Variants in FZD3 observed in about 807,000 individuals in gnomAD.
FZD3 encodes the protein frizzled class receptor 3, also known as frizzled-3.
FZD3 carries 30 observed loss-of-function variants against 60.7 expected under a neutral mutation model. That is an observed-to-expected ratio of 0.49 (90% CI 0.37 to 0.67). FZD3 has a LOEUF of 0.67. Among genes scored for constraint, FZD3 ranks in the 30% least tolerant of loss-of-function variants. The pLI is 0.00. For missense variants in FZD3, 605 were observed against 838.7 expected (o/e 0.72, Z 3.44); for synonymous variants, 246 against 275.2 (o/e 0.89, Z 1.05).
intron 3 of FZD3, 41 bp from the exon 4 acceptor site, chr8:28,520,597 A>T: frequency 8.6e-7 from 1 of 1,168,654 alleles, no homozygotes; most frequent in Non-Finnish European, 1.2e-6. Flanking sequence ...TAACTTGTAT[A>T]CAGCTCTTTA....
intron 6 of FZD3, among the ~76,000 whole-genome samples, chr8:28,553,336 A>G (rs901617363): frequency 6.6e-6 from 1 of 152,216 alleles, no homozygotes; most frequent in Admixed American, 6.5e-5. Flanking sequence ...TTTGATAGCA[A>G]ACAGAACAGG....
intron 5 of FZD3, among the ~76,000 whole-genome samples, chr8:28,546,715 C>T (rs544850929): frequency 1.4e-4 from 21 of 152,142 alleles, no homozygotes; most frequent in Non-Finnish European, 2.6e-4. Context: ...GTGGCTCACG[C>T]CTGTAATCCC....
At chr8:28,510,561 C>T (rs1309247667) in intron 3 of FZD3, among the ~76,000 whole-genome samples, 3 of 152,146 alleles carry the variant, frequency 2.0e-5, no homozygotes, top group Non-Finnish European at 1.5e-5. Flanking sequence ...GAAACACCTT[C>T]ATAATTATTG....
In FZD3 at chr8:28,563,135, A is replaced by G; in HGVS notation, c.*124A>G. The G allele has an allele frequency of 1.5e-6, 1 of 686,672 alleles. No homozygotes were observed. Among genetic ancestry groups the G allele is most frequent in the Non-Finnish European group, 2.6e-6 (1 of 378,912 alleles). 42.5% of individuals were successfully genotyped at this position (686,672 alleles called of 1,614,324 possible). A position where few individuals can be genotyped will look rare whatever the true frequency, so the allele number is the denominator to read the frequency against. On this transcript the variant is annotated 3_prime_UTR_variant, in exon 8 of 8. Coordinates refer to ENST00000240093, the MANE Select transcript of FZD3 (RefSeq NM_017412.4). ...TTTCAGTCAAGTACAGATTGTGTCC[A>G]CTGGAAAGGTAAATGATTGCTTTTT...
At chr8:28,496,564 A>T (rs1352392833) in intron 1 of FZD3, among the ~76,000 whole-genome samples, 1 of 152,204 alleles carries the variant, frequency 6.6e-6, no homozygotes, top group Non-Finnish European at 1.5e-5. Flanking sequence ...TTCAGTATAG[A>T]TTGGAGGAAA....
At chr8:28,498,072 A>G (rs186468545) in intron 1 of FZD3, among the ~76,000 whole-genome samples, 4 of 152,368 alleles carry the variant, frequency 2.6e-5, no homozygotes, top group Non-Finnish European at 2.9e-5. Flanking sequence ...GCTTTAAAGT[A>G]TCTAGTCCTT....
At chr8:28,496,444 G>GT (rs1390501472) in intron 1 of FZD3, among the ~76,000 whole-genome samples, 1 of 151,742 alleles carries the variant, frequency 6.6e-6, no homozygotes, top group East Asian at 1.9e-4. Context: ...TGTTCTTTTT[G>GT]GTTTTTTTTG....
chr8:28,529,492 T>G (rs1804806643), intron 5 of FZD3, among the ~76,000 whole-genome samples: 1 of 152,212 alleles, frequency 6.6e-6, no homozygotes, highest in African/African-American at 2.4e-5. Flanking sequence ...TAGATGATAG[T>G]AATGATATTG....
At chr8:28,510,220 A>G (rs2130308342) in intron 3 of FZD3, among the ~76,000 whole-genome samples, 1 of 152,260 alleles carries the variant, frequency 6.6e-6, no homozygotes, top group East Asian at 1.9e-4. Flanking sequence ...TTGGATATAC[A>G]GTATTATTCA....
chr8:28,536,586 A>G (rs564555121), intron 5 of FZD3, among the ~76,000 whole-genome samples: 27 of 152,170 alleles, frequency 1.8e-4, no homozygotes, highest in East Asian at 1.4e-3. Context: ...GCACACGCCT[A>G]TAATCCCAGC....
chr8:28,511,150 G>C (rs1258670669), intron 3 of FZD3, among the ~76,000 whole-genome samples: 2 of 151,944 alleles, frequency 1.3e-5, no homozygotes, highest in Non-Finnish European at 2.9e-5. Context: ...TCAGGAGTTT[G>C]AGACCAGCCT....
At chr8:28,506,820 A>G (rs1804153850) in intron 3 of FZD3, among the ~76,000 whole-genome samples, 1 of 152,178 alleles carries the variant, frequency 6.6e-6, no homozygotes, top group African/African-American at 2.4e-5. Context: ...CCAGTCTCTC[A>G]GTTATCCAAA....
chr8:28,536,108 C>T (rs948873745), intron 5 of FZD3, among the ~76,000 whole-genome samples: 3 of 152,118 alleles, frequency 2.0e-5, no homozygotes, highest in Admixed American at 6.5e-5. Context: ...AGTAAAATTT[C>T]GATATTAACT....
At chr8:28,503,307 C>T in intron 3 of FZD3, 105 bp downstream of exon 3, 1 of 590,166 alleles carries the variant, frequency 1.7e-6, no homozygotes, top group South Asian at 2.8e-5. Context: ...AAATAATATG[C>T]TATTTTAAAT....
chr8:28,539,913 G>GT (rs1373929197), intron 5 of FZD3, among the ~76,000 whole-genome samples: 1 of 151,698 alleles, frequency 6.6e-6, no homozygotes, highest in Non-Finnish European at 1.5e-5. Flanking sequence ...AGCATGAGTA[G>GT]TTTTTTTTCT....
At chr8:28,518,627 C>T (rs1038222502) in intron 3 of FZD3, among the ~76,000 whole-genome samples, 1 of 152,172 alleles carries the variant, frequency 6.6e-6, no homozygotes, top group Non-Finnish European at 1.5e-5. Flanking sequence ...TTTTGAGATA[C>T]ACATAGGGAA....
Position 28,562,851 on chromosome 8 carries a change from T to C in FZD3, c.1841T>C (p.Met614Thr). 1 of 1,613,776 alleles carries C rather than the reference T, an allele frequency of 6.2e-7. No individual in the cohort carries two copies. Among genetic ancestry groups the C allele is most frequent in the South Asian group, 1.1e-5 (1 of 91,044 alleles). The stretch of plus-strand genomic sequence containing the variant: ...GAGGAGAGACTACCTCATGGCAGCA[T>C]GTCACGACTAACAGATCACTCCAGG... ...GMEERLPHGS[M>T]SRLTDHSRHS... Residue 614 changes from methionine (M) to threonine (T), a missense_variant, in exon 8 of 8, where the codon ATG (methionine) becomes ACG (threonine). Transcript: ENST00000240093.
In FZD3 at chr8:28,567,712, G is replaced by C. The variant is rs374209999; in HGVS notation, c.*4701G>C. The C allele has an allele frequency of 6.6e-6, 1 of 151,992 alleles. No individual in the cohort carries two copies. The highest frequency in any genetic ancestry group is 2.4e-5 in the African/African-American group (1 of 41,382). 9.4% of individuals were successfully genotyped at this position (151,992 alleles called of 1,614,324 possible). ...GTTCATTTGGTACAGTCTTTAAATC[G>C]GTCATCCAATTAACCTTTAAAAAGT... On this transcript the variant is annotated 3_prime_UTR_variant, in exon 8 of 8. Coordinates refer to ENST00000240093, the MANE Select transcript of FZD3 (RefSeq NM_017412.4).
intron 1 of FZD3, among the ~76,000 whole-genome samples, chr8:28,498,973 TC>T (rs1424994767): frequency 6.6e-6 from 1 of 152,228 alleles, no homozygotes; most frequent in Non-Finnish European, 1.5e-5. Context: ...ACTAAATTGA[TC>T]ATCACTGATT....
Sources: gnomAD v4.1 joint callset for allele counts (sites outside exome capture counted in the v4.1 genomes callset) on GRCh38, gnomAD v4.1.1 for gene constraint, MANE v1.5 for transcripts, NCBI Gene and HGNC (gene_info 2026-07-23, HGNC 2026-07-21) for gene names.